WDR7: variants seen among roughly 807,000 people sequenced by gnomAD.
WDR7 encodes WD repeat-containing protein 7.
Under a neutral mutation model 169.4 loss-of-function variants are expected in WDR7, and 46 were observed. The observed-to-expected ratio is 0.27, with a 90% CI of 0.21 to 0.35. The LOEUF (loss-of-function observed/expected upper bound fraction) is 0.35. Ranked by LOEUF, WDR7 falls within the 10% of genes least tolerant of loss-of-function variation. The probability of loss-of-function intolerance (pLI) is 1.00; values close to 1 mark genes in which losing one functional copy is unlikely to be tolerated. For missense variants in WDR7, 1,534 were observed against 1,859.3 expected, an observed-to-expected ratio of 0.83 and a Z score of 3.22; for synonymous variants, 612 against 666.8, an observed-to-expected ratio of 0.92 and a Z score of 1.27.
chr18:56,734,261 C>T (rs1371624201), intron 14 of WDR7, among the ~76,000 whole-genome samples: 1 of 152,106 alleles, frequency 6.6e-6, no homozygotes, highest in Non-Finnish European at 1.5e-5. Flanking sequence ...CAGCTTTATC[C>T]TTTCCTTTAT....
chr18:57,030,707 G>T (rs566428310), downstream of WDR7: 1 of 152,180 alleles, frequency 6.6e-6, no homozygotes, highest in Non-Finnish European at 1.5e-5. Context: ...ACAAGGCCAA[G>T]ATAATCCAAG....
chr18:56,933,187 A>G (rs2046914283), intron 22 of WDR7, among the ~76,000 whole-genome samples: 1 of 152,144 alleles, frequency 6.6e-6, no homozygotes, highest in African/African-American at 2.4e-5. Flanking sequence ...AGGTGCCCAG[A>G]GCCATGAACT....
At chr18:56,958,185 G>C (rs926276574) in intron 25 of WDR7, among the ~76,000 whole-genome samples, 1 of 152,138 alleles carries the variant, frequency 6.6e-6, no homozygotes, top group Non-Finnish European at 1.5e-5. Flanking sequence ...AGTAGACTCA[G>C]TTCATATTTG....
At chr18:56,849,226 T>G (rs1021977534) in intron 20 of WDR7, among the ~76,000 whole-genome samples, 2 of 152,148 alleles carry the variant, frequency 1.3e-5, no homozygotes, top group Non-Finnish European at 2.9e-5. Context: ...CTTATCAGGA[T>G]CACTAGTGAC....
In WDR7 at chr18:56,845,870, T is replaced by C. The variant is rs555753724; in HGVS notation, c.3304+29726T>C. 1.1e-3 allele frequency among the ~76,000 whole-genome samples: 174 copies of C among 152,326 alleles called. 1 individual carries two copies. Among genetic ancestry groups the C allele is most frequent in the African/African-American group, 4.0e-3 (168 of 41,584 alleles). On this transcript the variant is annotated intron_variant, in intron 20 of 27. Transcript: ENST00000254442. ...TATTAGTCCTACTAAAATTGAAATT[T>C]GCTTGAAAAAATGTTATTATGCTAT...
chr18:56,965,703 C>T (rs1200006845), intron 26 of WDR7, among the ~76,000 whole-genome samples: 3 of 152,064 alleles, frequency 2.0e-5, no homozygotes, highest in Non-Finnish European at 4.4e-5. Flanking sequence ...TTGTGGTCCA[C>T]AAGCCTAAAA....
chr18:56,823,517 C>T (rs916911709), intron 20 of WDR7, among the ~76,000 whole-genome samples: 2 of 152,086 alleles, frequency 1.3e-5, no homozygotes, highest in African/African-American at 2.4e-5. Flanking sequence ...ACCCAGGAGG[C>T]GGAGGTTGCA....
chr18:56,930,143 G>T (rs866990584), intron 22 of WDR7, among the ~76,000 whole-genome samples: 23 of 152,300 alleles, frequency 1.5e-4, no homozygotes, highest in African/African-American at 5.5e-4. Context: ...GCTTTTCTGG[G>T]ATCATCACAA....
intron 1 of WDR7, among the ~76,000 whole-genome samples, chr18:56,667,554 T>C (rs1438907323): frequency 6.6e-6 from 1 of 152,242 alleles, no homozygotes; most frequent in African/African-American, 2.4e-5. Flanking sequence ...TAATAAATTA[T>C]GGTTAAGCAT....
chr18:56,760,126 CTTTT>C (rs2043959439), intron 16 of WDR7, among the ~76,000 whole-genome samples: 1 of 152,034 alleles, frequency 6.6e-6, no homozygotes, highest in Non-Finnish European at 1.5e-5. Flanking sequence ...GGTTAGATAA[CTTTT>C]TTATGCTTGC....
intron 19 of WDR7, among the ~76,000 whole-genome samples, chr18:56,805,070 C>T (rs2044747815): frequency 6.6e-6 from 1 of 152,134 alleles, no homozygotes; most frequent in Non-Finnish European, 1.5e-5. Flanking sequence ...TCCACTCAGA[C>T]TCTCACATTA....
intron 13 of WDR7, among the ~76,000 whole-genome samples, chr18:56,725,013 A>G (rs1391448063): frequency 4.0e-5 from 6 of 151,790 alleles, no homozygotes; most frequent in Admixed American, 2.6e-4. Context: ...ATAGTATTCC[A>G]TGGTGTATAT....
chr18:56,746,093 A>G (rs568332020), intron 14 of WDR7, among the ~76,000 whole-genome samples: 2 of 152,310 alleles, frequency 1.3e-5, no homozygotes, highest in African/African-American at 4.8e-5. Context: ...GAATAGAAAT[A>G]TATTTGTCAG....
At chr18:56,665,306 A>AAAAAAAAAAAG (rs1555674550) in intron 1 of WDR7, among the ~76,000 whole-genome samples, 1 of 133,380 alleles carries the variant, frequency 7.5e-6, no homozygotes. Context: ...AAAAAAAAAA[A>AAAAAAAAAAAG]AAGAAGAAGA....
At chr18:56,846,912 G>A (rs750791982) in intron 20 of WDR7, among the ~76,000 whole-genome samples, 5 of 152,068 alleles carry the variant, frequency 3.3e-5, no homozygotes, top group Admixed American at 6.5e-5. Context: ...TTATAACAAC[G>A]CAAAAATGGA....
At chr18:56,739,386 A>G (rs1383049491) in intron 14 of WDR7, among the ~76,000 whole-genome samples, 1 of 152,184 alleles carries the variant, frequency 6.6e-6, no homozygotes, top group Non-Finnish European at 1.5e-5. Context: ...CTAGAGCCTT[A>G]GAACACTACA....
chr18:56,964,838 G>A (rs74683052), intron 26 of WDR7, among the ~76,000 whole-genome samples: 6,385 of 152,162 alleles, frequency 0.042, 445 homozygotes, highest in African/African-American at 0.14. Context: ...CATTCAGAAC[G>A]TGAAAACAAG....
chr18:56,867,778 C>G (rs1435533275), intron 20 of WDR7, among the ~76,000 whole-genome samples: 1 of 151,990 alleles, frequency 6.6e-6, no homozygotes, highest in African/African-American at 2.4e-5. Flanking sequence ...GGCATATGTG[C>G]TAAGTTAAAC....
intron 20 of WDR7, among the ~76,000 whole-genome samples, chr18:56,864,638 A>C (rs2045856230): frequency 6.6e-6 from 1 of 151,866 alleles, no homozygotes; most frequent in Non-Finnish European, 1.5e-5. Context: ...CGGGTAATAG[A>C]AGATAAATAT....
Sources: allele counts gnomAD v4.1 joint callset (sites outside exome capture counted in the v4.1 genomes callset), GRCh38; gene constraint gnomAD v4.1.1; transcripts MANE v1.5; gene names NCBI Gene and HGNC (gene_info 2026-07-23, HGNC 2026-07-21).